Variants in NCK1 observed in about 807,000 individuals in gnomAD.
The protein encoded by NCK1 is SH2/SH3 adapter protein NCK1.
NCK1 carries 19 observed loss-of-function variants against 36.6 expected under a neutral mutation model. The ratio of observed to expected loss-of-function variants is 0.52; its 90% CI spans 0.36 to 0.76. NCK1 has a LOEUF of 0.76. Among genes scored for constraint, NCK1 ranks in the 30% least tolerant of loss-of-function variants. The pLI is 0.00. For synonymous variants in NCK1, 165 were observed against 156.0 expected (o/e 1.06, Z -0.43); for missense variants, 358 against 445.6 (o/e 0.80, Z 1.77).
At position 136,867,116 on chromosome 3, in the gene NCK1, CTTTG is replaced by C. The variant is rs1247381643; in HGVS notation, c.-19+4767_-19+4770del. On this transcript the variant is annotated intron_variant, in intron 1 of 3. Transcript: ENST00000481752. ...TCTTTCTTTCTTTCTTTCTTTCTTT[CTTTG>C]TTTCTTTCTTTCCTTCCTTCCTTCC... Among the ~76,000 whole-genome samples, 226 of 28,370 alleles carry C rather than the reference CTTTG, an allele frequency of 8.0e-3. 19 individuals carry two copies. Among genetic ancestry groups the C allele is most frequent in the African/African-American group, 0.011 (87 of 7,908 alleles). The allele number at this position is 28,370 out of a possible 152,430, so 18.6% of individuals were successfully genotyped here.
chr3:136,936,763 C>T (rs926085413), intron 2 of NCK1, among the ~76,000 whole-genome samples: 1 of 152,168 alleles, frequency 6.6e-6, no homozygotes, highest in African/African-American at 2.4e-5. Context: ...TGCCTGTTGG[C>T]CATTCGTATA....
chr3:136,870,336 A>T (rs1021258825), intron 1 of NCK1, among the ~76,000 whole-genome samples: 75 of 79,614 alleles, frequency 9.4e-4, no homozygotes, highest in Non-Finnish European at 1.9e-3. Flanking sequence ...GGAGAGACTT[A>T]ATCTCAAAAA....
intron 1 of NCK1, among the ~76,000 whole-genome samples, chr3:136,897,471 G>A (rs1939420065): frequency 1.3e-5 from 2 of 152,128 alleles, no homozygotes; most frequent in Non-Finnish European, 2.9e-5. Flanking sequence ...TTTCCTTAAT[G>A]ATTAGTGATG....
At chr3:136,914,305 C>T (rs1010663351) in intron 1 of NCK1, among the ~76,000 whole-genome samples, 5 of 152,196 alleles carry the variant, frequency 3.3e-5, no homozygotes, top group African/African-American at 1.2e-4. Flanking sequence ...GTAGTCACTG[C>T]TGAACTAAGA....
Position 136,948,260 on chromosome 3 carries a change from C to T in NCK1, c.941C>T (p.Pro314Leu), listed in dbSNP as rs1315256919. 3 of 1,578,994 alleles carry T rather than the reference C, an allele frequency of 1.9e-6. No homozygotes were observed. In the East Asian group the frequency reaches 6.8e-5, roughly 36 times the overall value. The part of the protein sequence containing the change: ...DFLIRDSESS[P>L]NDFSVSLKAQ... ...ATGTATCTTTTTTTTCTCTTTTAGC[C>T]AAATGATTTCTCAGTATCACTAAAA... Residue 314 changes from proline (P) to leucine (L), a missense_variant and splice_region_variant, in exon 4 of 4, where the codon CCA (proline) becomes CTA (leucine). Pro to Leu is a moderately conservative substitution (Grantham distance 98, BLOSUM62 -3). Around this residue, in one of 3 missense-constraint regions of NCK1, gnomAD observed 207 missense variants for 253.4 expected, o/e 0.82. Transcript: ENST00000481752.
chr3:136,912,507 A>G (rs1172266731), intron 1 of NCK1, among the ~76,000 whole-genome samples: 2 of 112,424 alleles, frequency 1.8e-5, no homozygotes, highest in Non-Finnish European at 3.8e-5. Context: ...TTTTTTTTTT[A>G]TGTTGCCCTA....
At chr3:136,887,934 T>G (rs1305651851) in intron 1 of NCK1, among the ~76,000 whole-genome samples, 1 of 151,770 alleles carries the variant, frequency 6.6e-6, no homozygotes, top group African/African-American at 2.4e-5. Context: ...TTTCTTTCTT[T>G]CTTTCTTTCT....
At chr3:136,867,405 ATTTTTTTTTT>A (rs34322362) in intron 1 of NCK1, 2 of 101,590 alleles carry the variant, frequency 2.0e-5, no homozygotes, top group Non-Finnish European at 3.6e-5. Flanking sequence ...TGTCTGGCTA[ATTTTTTTTTT>A]TTTTTTTTTT....
chr3:136,912,265 C>T (rs1046528003), intron 1 of NCK1, among the ~76,000 whole-genome samples: 3 of 149,476 alleles, frequency 2.0e-5, no homozygotes, highest in African/African-American at 7.4e-5. Flanking sequence ...CAGGTTCAAG[C>T]AATTCTCCTG....
chr3:136,916,800 G>A (rs1939977708), intron 1 of NCK1, among the ~76,000 whole-genome samples: 2 of 152,102 alleles, frequency 1.3e-5, no homozygotes, highest in African/African-American at 4.8e-5. Context: ...CAATAAAAGA[G>A]ACTTTTTTAT....
intron 1 of NCK1, among the ~76,000 whole-genome samples, chr3:136,908,687 A>AT (rs1939752433): frequency 6.6e-6 from 1 of 152,160 alleles, no homozygotes; most frequent in Non-Finnish European, 1.5e-5. Flanking sequence ...GACAATATAT[A>AT]TTTTTTACTG....
intron 1 of NCK1, among the ~76,000 whole-genome samples, chr3:136,904,747 C>T (rs1350285530): frequency 3.3e-5 from 5 of 151,478 alleles, no homozygotes; most frequent in African/African-American, 1.2e-4. Flanking sequence ...GGTTTTCTAA[C>T]ATTTTTGTTT....
At chr3:136,911,451 G>A (rs1241741082) in intron 1 of NCK1, among the ~76,000 whole-genome samples, 2 of 152,032 alleles carry the variant, frequency 1.3e-5, no homozygotes, top group African/African-American at 4.8e-5. Flanking sequence ...CCATGCTAAC[G>A]GATCTTAGTG....
At chr3:136,883,509 C>G (rs565786719) in intron 1 of NCK1, among the ~76,000 whole-genome samples, 1 of 152,066 alleles carries the variant, frequency 6.6e-6, no homozygotes, top group South Asian at 2.1e-4. Context: ...ATTCTCTGTC[C>G]TTTATGGTAG....
intron 1 of NCK1, among the ~76,000 whole-genome samples, chr3:136,869,757 T>G (rs530715894): frequency 6.6e-6 from 1 of 152,332 alleles, no homozygotes; most frequent in Admixed American, 6.5e-5. Flanking sequence ...AATCTCTCTG[T>G]GGAGGGAAAG....
intron 1 of NCK1, among the ~76,000 whole-genome samples, chr3:136,916,348 C>T (rs753658983): frequency 1.3e-5 from 2 of 152,206 alleles, no homozygotes; most frequent in South Asian, 2.1e-4. Context: ...AAGTTAAATA[C>T]GTCTGATATT....
At chr3:136,878,793 AGACT>A (rs758372506) in intron 1 of NCK1, among the ~76,000 whole-genome samples, 6 of 152,168 alleles carry the variant, frequency 3.9e-5, no homozygotes, top group Non-Finnish European at 7.3e-5. Flanking sequence ...CCCAGCAAGA[AGACT>A]GACTATTGTT....
At chr3:136,896,627 C>T (rs548862407) in intron 1 of NCK1, among the ~76,000 whole-genome samples, 6 of 151,808 alleles carry the variant, frequency 4.0e-5, no homozygotes, top group East Asian at 2.0e-4. Flanking sequence ...AGTGAGTAGC[C>T]GGGACCACAA....
chr3:136,924,629 ATAATT>A (rs1560048608), intron 1 of NCK1, among the ~76,000 whole-genome samples: 3 of 152,216 alleles, frequency 2.0e-5, no homozygotes, highest in African/African-American at 7.2e-5. Context: ...AAATATACTG[ATAATT>A]TAATTTTAGT....
Sources: allele counts gnomAD v4.1 joint callset (sites outside exome capture counted in the v4.1 genomes callset), GRCh38; gene constraint gnomAD v4.1.1; regional missense constraint gnomAD v4.1.1; transcripts MANE v1.5; gene names NCBI Gene and HGNC (gene_info 2026-07-23, HGNC 2026-07-21).